Variants in SDCCAG8 observed in about 807,000 individuals in gnomAD.
SDCCAG8 encodes serologically defined colon cancer antigen 8.
SDCCAG8 carries 74 observed loss-of-function variants against 101.8 expected under a neutral mutation model. The observed-to-expected ratio is 0.73, with a 90% CI of 0.60 to 0.88. SDCCAG8 has a LOEUF of 0.88. Among genes scored for constraint, SDCCAG8 ranks in the 40% least tolerant of loss-of-function variants. The pLI, the probability that SDCCAG8 is intolerant of heterozygous loss-of-function variation, is 0.00. For missense variants in SDCCAG8, 787 were observed against 822.6 expected (o/e 0.96, Z 0.53); for synonymous variants, 281 against 292.9 (o/e 0.96, Z 0.41).
intron 16 of SDCCAG8, among the ~76,000 whole-genome samples, chr1:243,444,805 G>A (rs531612897): frequency 6.6e-6 from 1 of 152,286 alleles, no homozygotes; most frequent in African/African-American, 2.4e-5. Flanking sequence ...ATACTGCATG[G>A]TATTCTCAGA....
intron 12 of SDCCAG8, among the ~76,000 whole-genome samples, chr1:243,365,253 G>GT (rs1055643052): frequency 1.2e-4 from 18 of 152,030 alleles, no homozygotes; most frequent in Admixed American, 4.6e-4. Context: ...CTAACTGCAT[G>GT]TTTTTTTCCT....
At chr1:243,263,773 A>C (rs2067370361) in intron 1 of SDCCAG8, among the ~76,000 whole-genome samples, 1 of 152,250 alleles carries the variant, frequency 6.6e-6, no homozygotes, top group Non-Finnish European at 1.5e-5. Context: ...ATTCAAACAA[A>C]AAAGTATTCT....
At chr1:243,470,439 A>C (rs1393618297) in intron 16 of SDCCAG8, among the ~76,000 whole-genome samples, 1 of 151,716 alleles carries the variant, frequency 6.6e-6, no homozygotes, top group Non-Finnish European at 1.5e-5. Flanking sequence ...ACAAATGGCC[A>C]GATTTCAGTC....
chr1:243,477,014 A>G (rs1395387774), intron 16 of SDCCAG8, among the ~76,000 whole-genome samples: 2 of 84,352 alleles, frequency 2.4e-5, no homozygotes, highest in Non-Finnish European at 2.7e-5. Flanking sequence ...ACACACACAC[A>G]CACACACACA....
At chr1:243,496,398 C>T (rs577037156) in intron 17 of SDCCAG8, among the ~76,000 whole-genome samples, 1 of 152,312 alleles carries the variant, frequency 6.6e-6, no homozygotes, top group African/African-American at 2.4e-5. Flanking sequence ...AACTCAGGGC[C>T]AGCTTTGAAA....
chr1:243,260,282 T>C (rs1304469135), intron 1 of SDCCAG8, among the ~76,000 whole-genome samples: 1 of 152,214 alleles, frequency 6.6e-6, no homozygotes, highest in Non-Finnish European at 1.5e-5. Context: ...CAGAATTTAA[T>C]CTAGAACTGG....
rs148433967 is a variant in SDCCAG8 at position 243,392,145 on chromosome 1, G to A, written c.1616+13282G>A. Among the ~76,000 whole-genome samples the A allele has an allele frequency of 4.6e-5, 7 of 152,280 alleles. No homozygotes were observed. In the East Asian group the frequency reaches 7.7e-4, roughly 17 times the overall value. Reference sequence around the variant, plus strand: ...GCAAAATCATTTTAACTCATTCAGCGTTTTGTAAATCTGAGGCTTATCTAT... The same window carrying A: ...GCAAAATCATTTTAACTCATTCAGCATTTTGTAAATCTGAGGCTTATCTAT... On this transcript the variant is annotated intron_variant, in intron 13 of 17. Transcript: ENST00000366541.
chr1:243,271,021 A>G lies in SDCCAG8; in HGVS notation c.264A>G (p.Glu88=). 1 of 1,613,698 alleles carries G rather than the reference A, an allele frequency of 6.2e-7. No individual in the cohort carries two copies. Among genetic ancestry groups the G allele is most frequent in the Admixed American group, 1.7e-5 (1 of 59,998 alleles). The change falls in exon 3 of 18, where the codon GAA becomes GAG. Residue 88 remains glutamate (E), a synonymous_variant. Coordinates refer to ENST00000366541, the MANE Select transcript of SDCCAG8 (RefSeq NM_006642.5). ...TGTTGCGCCAACAAGCAGATAAGGA[A>G]AGTGAAGTATCTCCGTCAAGAAGAA... ...KDLLRQQADK[E]SEVSPSRRRK...
At chr1:243,333,285 T>C (rs2074759834) in intron 10 of SDCCAG8, among the ~76,000 whole-genome samples, 1 of 152,202 alleles carries the variant, frequency 6.6e-6, no homozygotes, top group South Asian at 2.1e-4. Context: ...CTCAGGAAAA[T>C]ATTTTCAGAT....
chr1:243,472,582 A>G (rs1661482412), intron 16 of SDCCAG8, among the ~76,000 whole-genome samples: 1 of 152,198 alleles, frequency 6.6e-6, no homozygotes, highest in Admixed American at 6.5e-5. Context: ...TGAGTCACCT[A>G]TGGTCAACTG....
rs756262298 is a variant in SDCCAG8 at position 243,375,282 on chromosome 1, G to T, written c.1474-3439G>T. ...AGAACTAATGGTGCATGCCATTGGA[G>T]ATTAGGTTTGAAATCGGGGAGGTAG... On this transcript the variant is annotated intron_variant, in intron 12 of 17. Coordinates refer to ENST00000366541, the MANE Select transcript of SDCCAG8 (RefSeq NM_006642.5). Among the ~76,000 whole-genome samples the T allele has an allele frequency of 2.2e-4, 33 of 152,134 alleles. 1 individual carries two copies. The highest frequency in any genetic ancestry group is 4.3e-4 in the Non-Finnish European group (29 of 68,026).
intron 8 of SDCCAG8, among the ~76,000 whole-genome samples, chr1:243,313,006 T>G (rs1344710929): frequency 6.6e-6 from 1 of 152,254 alleles, no homozygotes; most frequent in Non-Finnish European, 1.5e-5. Context: ...GTAACCAAGA[T>G]GGAACTGCTT....
intron 6 of SDCCAG8, among the ~76,000 whole-genome samples, chr1:243,304,030 G>A (rs551992627): frequency 2.0e-5 from 3 of 151,804 alleles, no homozygotes; most frequent in Non-Finnish European, 4.4e-5. Flanking sequence ...CTGAGATTGC[G>A]CCACTGCACT....
Position 243,426,575 on chromosome 1 carries a change from G to A in SDCCAG8, c.1985+17G>A, listed in dbSNP as rs756227497. On this transcript the variant is annotated intron_variant, in intron 16 of 17. Coordinates refer to ENST00000366541, the MANE Select transcript of SDCCAG8 (RefSeq NM_006642.5). ...GAAGCAAAGGTAATCAAGGTTTCAT[G>A]TCAACTCATGTGCCGCATATTGAAT... 4 of 1,613,712 alleles carry A rather than the reference G, an allele frequency of 2.5e-6. No individual in the cohort carries two copies. The highest frequency in any genetic ancestry group is 1.3e-5 in the African/African-American group (1 of 74,926).
intron 13 of SDCCAG8, among the ~76,000 whole-genome samples, chr1:243,398,866 A>G (rs1343471095): frequency 2.0e-5 from 3 of 152,214 alleles, no homozygotes; most frequent in African/African-American, 7.2e-5. Flanking sequence ...ATGAGTCTTT[A>G]ATTTTTTTGA....
Position 243,490,328 on chromosome 1 carries a change from C to T in SDCCAG8, c.2112+1188C>T, listed in dbSNP as rs946203736. ...ACTGCTCCCAGGGACTGTGGGGGAG[C>T]GGGCCGCTCAAAGTCCGAGCCACAG... On this transcript the variant is annotated intron_variant, in intron 17 of 17. Transcript: ENST00000366541. Among the ~76,000 whole-genome samples the T allele has an allele frequency of 3.9e-5, 6 of 152,334 alleles. No individual in the cohort carries two copies. In the South Asian group the frequency reaches 6.2e-4, roughly 16 times the overall value.
chr1:243,467,684 T>C (rs1477288147), intron 16 of SDCCAG8, among the ~76,000 whole-genome samples: 2 of 152,280 alleles, frequency 1.3e-5, no homozygotes, highest in Non-Finnish European at 2.9e-5. Flanking sequence ...GACTATTCTC[T>C]TGATAAGAAA....
intron 7 of SDCCAG8, chr1:243,307,589 A>G (rs1445224757): frequency 1.3e-5 from 13 of 984,712 alleles, no homozygotes; most frequent in Non-Finnish European, 1.2e-6. Flanking sequence ...CCTCACCTCA[A>G]GTATGTTGTC....
In SDCCAG8 at chr1:243,304,017, G is replaced by T. The variant is rs13313074; in HGVS notation, c.676-696G>T. On this transcript the variant is annotated intron_variant, in intron 6 of 17. Transcript: ENST00000366541. ...GAATCCAGCATGTGGAGGTTGCAGTGAGCTGAGATTGCGCCACTGCACTCC... is the reference window on the plus strand; with the variant it reads ...GAATCCAGCATGTGGAGGTTGCAGTTAGCTGAGATTGCGCCACTGCACTCC... 5.0e-3 allele frequency among the ~76,000 whole-genome samples: 760 copies of T among 152,148 alleles called. 5 individuals are homozygous for T. Among genetic ancestry groups the T allele is most frequent in the African/African-American group, 0.018 (732 of 41,502 alleles).
Sources: allele counts gnomAD v4.1 joint callset (sites outside exome capture counted in the v4.1 genomes callset), GRCh38; gene constraint gnomAD v4.1.1; transcripts MANE v1.5; gene names NCBI Gene and HGNC (gene_info 2026-07-23, HGNC 2026-07-21).